The following VRTN variants were observed in gnomAD, a reference collection of about 807,000 sequenced individuals.
VRTN encodes the protein vertebrae development associated, also known as vertnin.
VRTN carries 5 observed loss-of-function variants against 18.2 expected under a neutral mutation model. The observed-to-expected ratio is 0.27, with a 90% CI of 0.14 to 0.58. The LOEUF (loss-of-function observed/expected upper bound fraction) is 0.58. Ranked by LOEUF, VRTN falls within the 20% of genes least tolerant of loss-of-function variation. The pLI is 0.91. For synonymous variants in VRTN, 381 were observed against 393.7 expected (o/e 0.97, Z 0.38); for missense variants, 741 against 939.4 (o/e 0.79, Z 2.76).
chr14:74,321,944 G>A (rs1384958831), intron 1 of VRTN, among the ~76,000 whole-genome samples: 2 of 152,110 alleles, frequency 1.3e-5, no homozygotes, highest in Admixed American at 6.6e-5. Context: ...GGGTTTGAGC[G>A]ATTTTCCTGC....
At chr14:74,332,549 G>A (rs2085534870) in intron 1 of VRTN, among the ~76,000 whole-genome samples, 1 of 151,464 alleles carries the variant, frequency 6.6e-6, no homozygotes, top group Non-Finnish European at 1.5e-5. Flanking sequence ...TAGAGATGGG[G>A]TTTCTCCATG....
At chr14:74,326,078 G>A (rs2085485989) in intron 1 of VRTN, among the ~76,000 whole-genome samples, 1 of 152,144 alleles carries the variant, frequency 6.6e-6, no homozygotes, top group Middle Eastern at 3.2e-3. Context: ...TTACCCAGCT[G>A]GGAAGGGCAA....
rs983735211 is a variant in VRTN at position 74,308,717 on chromosome 14, T to C, written c.-164+5541T>C. On this transcript the variant is annotated intron_variant, in intron 1 of 2. Transcript: ENST00000557177. Reference sequence around the variant, plus strand: ...TTTTAGTAGAGATGGGGTTTTGCCATGTTGGCCAAGCTACTCTCGAACTCC... The same window carrying C: ...TTTTAGTAGAGATGGGGTTTTGCCACGTTGGCCAAGCTACTCTCGAACTCC... Among the ~76,000 whole-genome samples, 45 of 152,108 alleles carry C rather than the reference T, an allele frequency of 3.0e-4. 1 individual carries two copies. Among genetic ancestry groups the C allele is most frequent in the Non-Finnish European group, 7.4e-5 (5 of 68,026 alleles).
chr14:74,333,664 A>C (rs1173165892), intron 1 of VRTN, among the ~76,000 whole-genome samples: 1 of 151,800 alleles, frequency 6.6e-6, no homozygotes, highest in African/African-American at 2.4e-5. Context: ...ACATGGTGAA[A>C]CCCCATCTCT....
chr14:74,322,509 C>G (rs1567040014), intron 1 of VRTN, among the ~76,000 whole-genome samples: 1 of 152,114 alleles, frequency 6.6e-6, no homozygotes. Flanking sequence ...TATCTATTAT[C>G]GTTTGTTCTC....
intron 1 of VRTN, among the ~76,000 whole-genome samples, chr14:74,316,879 C>T (rs952621026): frequency 3.3e-5 from 5 of 151,824 alleles, no homozygotes; most frequent in Non-Finnish European, 4.4e-5. Context: ...CCTCGTGATC[C>T]GCCCGTCTCG....
intron 2 of VRTN, among the ~76,000 whole-genome samples, chr14:74,341,818 C>T (rs559612251): frequency 5.3e-5 from 8 of 152,156 alleles, no homozygotes; most frequent in South Asian, 4.1e-4. Flanking sequence ...CACACCTGGC[C>T]GCATGTCTTT....
intron 2 of VRTN, among the ~76,000 whole-genome samples, chr14:74,338,842 A>G (rs1308724225): frequency 6.6e-6 from 1 of 152,194 alleles, no homozygotes; most frequent in African/African-American, 2.4e-5. Flanking sequence ...CTTGTGCCTC[A>G]GCCTCCTGAG....
At chr14:74,354,971 G>A (rs186674176) in intron 1 of VRTN, among the ~76,000 whole-genome samples, 23 of 151,564 alleles carry the variant, frequency 1.5e-4, no homozygotes, top group African/African-American at 3.1e-4. Flanking sequence ...GTGAAACCCC[G>A]TCTCTACTAA....
chr14:74,317,804 A>G (rs186323570), intron 1 of VRTN, among the ~76,000 whole-genome samples: 10 of 152,062 alleles, frequency 6.6e-5, no homozygotes, highest in South Asian at 2.1e-4. Context: ...TCTGTCTCCA[A>G]AGAAAAACAA....
intron 1 of VRTN, among the ~76,000 whole-genome samples, chr14:74,316,461 C>T (rs1026116491): frequency 6.6e-6 from 1 of 150,530 alleles, no homozygotes; most frequent in African/African-American, 2.4e-5. Flanking sequence ...TGTGGTGAGC[C>T]GAGATCACGC....
At chr14:74,351,432 T>C (rs776690079) in intron 1 of VRTN, among the ~76,000 whole-genome samples, 1 of 150,766 alleles carries the variant, frequency 6.6e-6, no homozygotes, top group Non-Finnish European at 1.5e-5. Context: ...TTTGTTATAA[T>C]ATACACATTT....
At chr14:74,326,387 T>C (rs754725074) in intron 1 of VRTN, among the ~76,000 whole-genome samples, 4 of 152,054 alleles carry the variant, frequency 2.6e-5, no homozygotes, top group Non-Finnish European at 4.4e-5. Context: ...GGAACGCCAA[T>C]TGGGGGCTAG....
upstream of VRTN, among the ~76,000 whole-genome samples, chr14:74,345,880 T>A (rs545486646): frequency 6.3e-5 from 9 of 143,732 alleles, no homozygotes; most frequent in African/African-American, 1.6e-4. Flanking sequence ...GCCGAGATTG[T>A]GCCACTGCAC....
rs551205702 is a variant in VRTN at position 74,333,044 on chromosome 14, C to T, written c.-163-4679C>T. The stretch of plus-strand genomic sequence containing the variant: ...TGAAGGCAGAAATCACATTCTTTGT[C>T]TTTGTATTCTTCAAATGCCTAACAC... On this transcript the variant is annotated intron_variant, in intron 1 of 2. Coordinates refer to the VRTN transcript ENST00000557177. Among the ~76,000 whole-genome samples, 8 of 152,302 alleles carry T rather than the reference C, an allele frequency of 5.3e-5. No homozygotes were observed. The East Asian group carries it at 1.5e-3, about 29-fold the overall frequency.
At chr14:74,348,772 GC>G (rs2085661736) in intron 1 of VRTN, 120 bp downstream of exon 1, 2 of 152,382 alleles carry the variant, frequency 1.3e-5, no homozygotes, top group African/African-American at 2.4e-5. Context: ...TCAAGGAGTG[GC>G]CCCGTGAAGA....
chr14:74,339,384 T>C (rs528615269), intron 2 of VRTN, among the ~76,000 whole-genome samples: 1 of 152,148 alleles, frequency 6.6e-6, no homozygotes, highest in South Asian at 2.1e-4. Context: ...TGAGTGGTCA[T>C]CCATCTCTTG....
At chr14:74,337,299 T>G (rs1237822632) in intron 1 of VRTN, among the ~76,000 whole-genome samples, 1 of 152,050 alleles carries the variant, frequency 6.6e-6, no homozygotes, top group Non-Finnish European at 1.5e-5. Context: ...GCCGAGATCG[T>G]GCCACTTTAC....
chr14:74,315,751 A>T (rs1276897829), intron 1 of VRTN, among the ~76,000 whole-genome samples: 1 of 152,212 alleles, frequency 6.6e-6, no homozygotes, highest in African/African-American at 2.4e-5. Flanking sequence ...ACACCCTGAG[A>T]CAATGCTTAT....
Sources: allele counts gnomAD v4.1 joint callset (sites outside exome capture counted in the v4.1 genomes callset), GRCh38; gene constraint gnomAD v4.1.1; transcripts MANE v1.5; gene names NCBI Gene and HGNC (gene_info 2026-07-23, HGNC 2026-07-21).